The following NBR1 variants were observed in gnomAD, a reference collection of about 807,000 sequenced individuals.
The protein encoded by NBR1 is NBR1 autophagy cargo receptor.
NBR1 carries 59 observed loss-of-function variants against 115.5 expected under a neutral mutation model. The ratio of observed to expected loss-of-function variants is 0.51; its 90% CI spans 0.41 to 0.63. The LOEUF is 0.63. Ranked by LOEUF, NBR1 falls within the 30% of genes least tolerant of loss-of-function variation. NBR1 has a pLI of 0.00. For missense variants in NBR1, 1,043 were observed against 1,150.5 expected (o/e 0.91, Z 1.35); for synonymous variants, 373 against 414.7 (o/e 0.90, Z 1.22).
intron 1 of NBR1, among the ~76,000 whole-genome samples, chr17:43,175,419 C>T (rs77601703): frequency 1.3e-5 from 2 of 152,242 alleles, no homozygotes; most frequent in African/African-American, 2.4e-5. Flanking sequence ...CATAAAGTAC[C>T]GTAAGGATTT....
intron 20 of NBR1, among the ~76,000 whole-genome samples, chr17:43,204,740 G>A (rs2057279438): frequency 6.6e-6 from 1 of 151,262 alleles, no homozygotes; most frequent in South Asian, 2.1e-4. Flanking sequence ...GCTTGATCCA[G>A]GGAGTCAGAG....
In NBR1 at chr17:43,210,670, C is replaced by T; in HGVS notation, c.*596C>T. 2.5e-6 allele frequency: 1 copy of T among 398,514 alleles called. No individual in the cohort carries two copies. Among genetic ancestry groups the T allele is most frequent in the Non-Finnish European group, 4.4e-6 (1 of 226,052 alleles). 24.7% of individuals were successfully genotyped at this position (398,514 alleles called of 1,614,324 possible). A position where few individuals can be genotyped will look rare whatever the true frequency, so the allele number is the denominator to read the frequency against. Reference sequence around the variant, plus strand: ...GTTGCTTTCTAAAGACTCCATGGTGCATTCAAGAGTATCCAACTTCAAGGG... The same window carrying T: ...GTTGCTTTCTAAAGACTCCATGGTGTATTCAAGAGTATCCAACTTCAAGGG... On this transcript the variant is annotated 3_prime_UTR_variant, in exon 21 of 21. Transcript: ENST00000590996.
In NBR1 at chr17:43,193,603, T is replaced by G. The variant is rs1213354090; in HGVS notation, c.1489T>G (p.Ser497Ala). Residue 497 changes from serine to alanine, a missense_variant, in exon 12 of 21, where the codon TCA (serine) becomes GCA (alanine). By Grantham distance (99) the Ser-to-Ala change is moderately conservative (BLOSUM62 1). Coordinates refer to ENST00000590996, the MANE Select transcript of NBR1 (RefSeq NM_005899.5). The stretch of plus-strand genomic sequence containing the variant: ...TAACATTGAAAAGGGCATGATCAGC[T>G]CAAGCAAAACTGATGATCTCACCTG... Reference protein sequence around the residue: ...PDNIEKGMISSSKTDDLTCQQ... With the variant: ...PDNIEKGMISASKTDDLTCQQ... 2 of 1,610,934 alleles carry G rather than the reference T, an allele frequency of 1.2e-6. No homozygotes were observed. Among genetic ancestry groups the G allele is most frequent in the African/African-American group, 2.7e-5 (2 of 74,872 alleles).
intron 2 of NBR1, among the ~76,000 whole-genome samples, chr17:43,177,300 T>G (rs1389347161): frequency 1.0e-5 from 1 of 97,974 alleles, no homozygotes; most frequent in African/African-American, 3.6e-5. Flanking sequence ...ATATTTTTCG[T>G]TTTTTTTTTT....
At chr17:43,209,451 G>T (rs2057375815) in intron 20 of NBR1, 30 of 838,926 alleles carry the variant, frequency 3.6e-5, no homozygotes, top group Admixed American at 1.5e-4. Context: ...TGTTTTTTTT[G>T]TCCAGCTCCT....
At chr17:43,179,316 A>G (rs1003590690) in intron 3 of NBR1, 78 bp from the exon 4 acceptor site, 6 of 1,358,804 alleles carry the variant, frequency 4.4e-6, no homozygotes, top group East Asian at 2.3e-5. Flanking sequence ...TGTCTGTCCT[A>G]TGGGGCTGGT....
rs1403912442 is a variant in NBR1, at chr17:43,189,662, C to T, written c.555C>T (p.Asn185=). The T allele has an allele frequency of 6.2e-7, 1 of 1,613,878 alleles. No individual in the cohort carries two copies. The highest frequency in any genetic ancestry group is 8.5e-7 in the Non-Finnish European group (1 of 1,179,876). Residue 185 remains asparagine (N), a synonymous_variant, in exon 8 of 21, where the codon AAC becomes AAT. Transcript: ENST00000590996. The part of the protein sequence containing the change: ...QKLHEKLVLQ[N]PSLGSCPSEV... ...TACATGAAAAGCTTGTCCTCCAGAA[C>T]CCATCCTTGGGTTCTTGTCCCTCAG...
At chr17:43,180,337 T>C (rs966954299) in intron 4 of NBR1, among the ~76,000 whole-genome samples, 1 of 152,202 alleles carries the variant, frequency 6.6e-6, no homozygotes, top group African/African-American at 2.4e-5. Flanking sequence ...CTGTAGAGCA[T>C]GTTACTGTGC....
intron 3 of NBR1, among the ~76,000 whole-genome samples, chr17:43,178,390 T>C (rs2056579420): frequency 6.6e-6 from 1 of 151,026 alleles, no homozygotes; most frequent in Non-Finnish European, 1.5e-5. Flanking sequence ...TTTTTTTTTT[T>C]TTGTGAGATG....
In NBR1 at chr17:43,210,847, G is replaced by GA. The variant is rs1191312568; in HGVS notation, c.*779dup. 1.0e-5 allele frequency: 4 copies of GA among 397,460 alleles called. No individual in the cohort carries two copies. The highest frequency in any genetic ancestry group is 4.4e-5 in the Admixed American group (1 of 22,712). The allele number at this position is 397,460 out of a possible 1,614,324, so 24.6% of individuals were successfully genotyped here. ...ATATTTTGCTAATCTTATAGAAAAGGAAAAAATCCCGTTATTTAAAGGGAA... is the reference window on the plus strand; with the variant it reads ...ATATTTTGCTAATCTTATAGAAAAGGAAAAAAATCCCGTTATTTAAAGGGAA... On this transcript the variant is annotated 3_prime_UTR_variant, in exon 21 of 21. Coordinates refer to ENST00000590996, the MANE Select transcript of NBR1 (RefSeq NM_005899.5).
chr17:43,211,605 G>T lies in NBR1; in HGVS notation c.*1531G>T, dbSNP rs948298446. 6.6e-6 allele frequency: 1 copy of T among 152,308 alleles called. No individual in the cohort carries two copies. Among genetic ancestry groups the T allele is most frequent in the Non-Finnish European group, 1.5e-5 (1 of 68,034 alleles). 9.4% of individuals were successfully genotyped at this position (152,308 alleles called of 1,614,324 possible). A position where few individuals can be genotyped will look rare whatever the true frequency, so the allele number is the denominator to read the frequency against. ...GAGTTTTATAATCGAGGGCCAGGAGGGCCCGGGTTGCTCTCCTGGTTATGT... is the reference window on the plus strand; with the variant it reads ...GAGTTTTATAATCGAGGGCCAGGAGTGCCCGGGTTGCTCTCCTGGTTATGT... On this transcript the variant is annotated 3_prime_UTR_variant, in exon 21 of 21. Transcript: ENST00000590996.
chr17:43,204,009 C>T (rs2057262313), intron 20 of NBR1, among the ~76,000 whole-genome samples: 1 of 150,190 alleles, frequency 6.7e-6, no homozygotes, highest in East Asian at 2.0e-4. Context: ...GCGATCTCGG[C>T]TCACTGCAAG....
intron 1 of NBR1, among the ~76,000 whole-genome samples, chr17:43,172,907 G>A (rs1431552781): frequency 6.6e-6 from 1 of 151,604 alleles, no homozygotes; most frequent in South Asian, 2.1e-4. Context: ...CTCACTGCAA[G>A]CTCCACCTCC....
intron 19 of NBR1, among the ~76,000 whole-genome samples, chr17:43,203,361 A>G (rs1442242545): frequency 6.6e-6 from 1 of 152,114 alleles, no homozygotes; most frequent in African/African-American, 2.4e-5. Flanking sequence ...TCTCTGAGAG[A>G]ATAATTGAGC....
chr17:43,196,388 G>C (rs2057067975), intron 14 of NBR1, 93 bp from the exon 15 acceptor site: 4 of 744,584 alleles, frequency 5.4e-6, no homozygotes, highest in Non-Finnish European at 8.4e-6. Flanking sequence ...CCTGCGGGAG[G>C]CAAGAAGCCT....
chr17:43,173,791 A>C (rs371712743), intron 1 of NBR1, among the ~76,000 whole-genome samples: 1 of 152,092 alleles, frequency 6.6e-6, no homozygotes, highest in African/African-American at 2.4e-5. Flanking sequence ...CTGGAAGCTA[A>C]GTCTTCCCAG....
In NBR1 at chr17:43,171,214, A is replaced by C. The variant is rs1486294388; in HGVS notation, c.-98A>C. 6.6e-6 allele frequency: 1 copy of C among 152,634 alleles called. No homozygotes were observed. Among genetic ancestry groups the C allele is most frequent in the African/African-American group, 2.4e-5 (1 of 41,434 alleles). The allele number at this position is 152,634 out of a possible 1,614,324, so 9.5% of individuals were successfully genotyped here. On this transcript the variant is annotated 5_prime_UTR_variant, in exon 1 of 21. Transcript: ENST00000590996. ...AGTTACTGTCTTTATCCGCCATGTT[A>C]GATTCACCCCACAGGGATAGCGGCA...
chr17:43,197,426 G>A (rs925147206), intron 16 of NBR1, among the ~76,000 whole-genome samples: 9 of 151,992 alleles, frequency 5.9e-5, no homozygotes, highest in Middle Eastern at 3.2e-3. Context: ...GGCTGAGGCA[G>A]GAGAATGGCA....
Position 43,210,812 on chromosome 17 carries a change from G to T in NBR1, c.*738G>T. 2.5e-6 allele frequency: 1 copy of T among 398,234 alleles called. No homozygotes were observed. Among genetic ancestry groups the T allele is most frequent in the Middle Eastern group, 6.3e-4 (1 of 1,584 alleles). The allele number at this position is 398,234 out of a possible 1,614,324, so 24.7% of individuals were successfully genotyped here. On this transcript the variant is annotated 3_prime_UTR_variant, in exon 21 of 21. Coordinates refer to ENST00000590996, the MANE Select transcript of NBR1 (RefSeq NM_005899.5). ...TTTTTATTTAAGGGAAAAAATATAG[G>T]TATTGTGAAATATTTTGCTAATCTT...
Sources: gnomAD v4.1 joint callset for allele counts (sites outside exome capture counted in the v4.1 genomes callset) on GRCh38, gnomAD v4.1.1 for gene constraint, MANE v1.5 for transcripts, NCBI Gene and HGNC (gene_info 2026-07-23, HGNC 2026-07-21) for gene names.